RHOJ: variants seen among roughly 807,000 people sequenced by gnomAD.
The protein encoded by RHOJ is ras homolog family member J.
RHOJ carries 11 observed loss-of-function variants against 23.4 expected under a neutral mutation model. The ratio of observed to expected loss-of-function variants is 0.47; its 90% CI spans 0.30 to 0.78. The LOEUF is 0.78. Ranked by LOEUF, RHOJ falls within the 30% of genes least tolerant of loss-of-function variation. The pLI is 0.08. For synonymous variants in RHOJ, 102 were observed against 102.7 expected (o/e 0.99, Z 0.04); for missense variants, 254 against 273.4 (o/e 0.93, Z 0.50).
At chr14:63,290,053 G>A (rs1882197959) in intron 4 of RHOJ, among the ~76,000 whole-genome samples, 1 of 152,006 alleles carries the variant, frequency 6.6e-6, no homozygotes, top group Non-Finnish European at 1.5e-5. Flanking sequence ...GACCAGACTG[G>A]CCAACATGGG....
chr14:63,206,738 G>A (rs1362314033), intron 1 of RHOJ, among the ~76,000 whole-genome samples: 1 of 152,076 alleles, frequency 6.6e-6, no homozygotes, highest in Non-Finnish European at 1.5e-5. Context: ...ATTCCACTAG[G>A]CTCCAATAAT....
Position 63,280,972 on chromosome 14 carries a change from A to G in RHOJ, c.239A>G (p.Glu80Gly). 1 of 1,611,820 alleles carries G rather than the reference A, an allele frequency of 6.2e-7. No homozygotes were observed. The highest frequency in any genetic ancestry group is 8.5e-7 in the Non-Finnish European group (1 of 1,178,846). The change falls in exon 3 of 5, where the codon GAG becomes GGG. Residue 80 changes from glutamate (E) to glycine (G), a missense_variant and splice_region_variant. Coordinates refer to ENST00000316754, the MANE Select transcript of RHOJ (RefSeq NM_020663.5). ...AACCCTTGTCTGCTCTTCCCACAGG[A>G]GGACTACAACCAGCTGAGGCCACTC... ...LLGLYDTAGQ[E>G]DYNQLRPLSY...
chr14:63,244,534 C>T (rs751451394), intron 1 of RHOJ, among the ~76,000 whole-genome samples: 40 of 152,118 alleles, frequency 2.6e-4, no homozygotes, highest in Admixed American at 1.8e-3. Flanking sequence ...GCCGAGATCA[C>T]GCCATTGCAC....
In RHOJ at chr14:63,263,379, G is replaced by T. The variant is rs771465621; in HGVS notation, c.179-5731G>T. Among the ~76,000 whole-genome samples the T allele has an allele frequency of 1.7e-4, 26 of 152,262 alleles. 1 individual carries two copies. The highest frequency in any genetic ancestry group is 3.1e-4 in the Non-Finnish European group (21 of 68,028). ...GCTGGCAAGCAATAAGGCATCCACT[G>T]CTAGTCCAAGATAAGGACTCACGAA... is the stretch of plus-strand genomic sequence containing the variant. On this transcript the variant is annotated intron_variant, in intron 1 of 4. Transcript: ENST00000316754.
intron 1 of RHOJ, among the ~76,000 whole-genome samples, chr14:63,257,720 T>G (rs1303517348): frequency 6.7e-6 from 1 of 149,282 alleles, no homozygotes; most frequent in Non-Finnish European, 1.5e-5. Flanking sequence ...TCTGATTTTT[T>G]TTTTCACAAG....
chr14:63,251,416 T>C (rs1329859484), intron 1 of RHOJ, among the ~76,000 whole-genome samples: 1 of 152,242 alleles, frequency 6.6e-6, no homozygotes, highest in Non-Finnish European at 1.5e-5. Context: ...TACATTATTG[T>C]AAGTCTTCTC....
At chr14:63,282,927 G>A (rs998053818) in intron 3 of RHOJ, among the ~76,000 whole-genome samples, 194 bp from the exon 4 acceptor site, 4 of 152,166 alleles carry the variant, frequency 2.6e-5, no homozygotes, top group African/African-American at 9.7e-5. Flanking sequence ...CGTAAGGAAA[G>A]TCTGTTGTGT....
intron 1 of RHOJ, among the ~76,000 whole-genome samples, chr14:63,258,877 T>C (rs567924089): frequency 6.1e-4 from 93 of 152,362 alleles, no homozygotes; most frequent in African/African-American, 2.1e-3. Context: ...TGTTTCCTTG[T>C]ATGTGAAGCC....
chr14:63,204,802 T>C lies in RHOJ; in HGVS notation c.-68T>C, dbSNP rs1894069900. On this transcript the variant is annotated 5_prime_UTR_variant, in exon 1 of 5. Transcript: ENST00000316754. ...AAGCCTGGCACTGGCTTTCTGCCGC[T>C]TCATGTGCTTTGGAAAAAGCAGGAG... 3 of 1,519,810 alleles carry C rather than the reference T, an allele frequency of 2.0e-6. No individual in the cohort carries two copies. Among genetic ancestry groups the C allele is most frequent in the Admixed American group, 2.0e-5 (1 of 51,240 alleles). The allele number at this position is 1,519,810 out of a possible 1,614,324, so 94.1% of individuals were successfully genotyped here. A position where few individuals can be genotyped will look rare whatever the true frequency, so the allele number is the denominator to read the frequency against.
chr14:63,239,668 C>T (rs1050544799), intron 1 of RHOJ, among the ~76,000 whole-genome samples: 2 of 152,218 alleles, frequency 1.3e-5, no homozygotes, highest in African/African-American at 2.4e-5. Context: ...CTACTGCACC[C>T]GACCAGAGCT....
chr14:63,291,040 GC>G lies in RHOJ; in HGVS notation c.*18del, dbSNP rs1280140405. ...AATTATCTGAGGTTGTCTGGGACCT[GC>G]CTCCACCCCATCCAGGGATGAGAAT... On this transcript the variant is annotated 3_prime_UTR_variant, in exon 5 of 5. Transcript: ENST00000316754. 6.2e-7 allele frequency: 1 copy of G among 1,613,638 alleles called. No individual in the cohort carries two copies. The highest frequency in any genetic ancestry group is 8.5e-7 in the Non-Finnish European group (1 of 1,179,882).
At chr14:63,257,568 C>T (rs1368175347) in intron 1 of RHOJ, among the ~76,000 whole-genome samples, 1 of 150,000 alleles carries the variant, frequency 6.7e-6, no homozygotes, top group Non-Finnish European at 1.5e-5. Context: ...CTGAACCAGC[C>T]CCTTCTTCTC....
Position 63,204,834 on chromosome 14 carries a change from T to C in RHOJ, c.-36T>C. On this transcript the variant is annotated 5_prime_UTR_variant, in exon 1 of 5. Transcript: ENST00000316754. ...GCTTTGGAAAAAGCAGGAGAAGCAA[T>C]AGCAGCAGGAGTCCCCAGCAGCTGG... 1.9e-6 allele frequency: 3 copies of C among 1,580,152 alleles called. No homozygotes were observed. Among genetic ancestry groups the C allele is most frequent in the East Asian group, 2.3e-5 (1 of 43,450 alleles).
At chr14:63,218,092 T>A (rs979045660) in intron 1 of RHOJ, among the ~76,000 whole-genome samples, 3 of 152,166 alleles carry the variant, frequency 2.0e-5, no homozygotes, top group Non-Finnish European at 4.4e-5. Flanking sequence ...TTTTAATAAA[T>A]CTCCATTCAA....
intron 1 of RHOJ, among the ~76,000 whole-genome samples, chr14:63,251,668 A>G (rs898629049): frequency 1.3e-5 from 2 of 152,236 alleles, no homozygotes; most frequent in African/African-American, 4.8e-5. Context: ...TTTCCGTCAC[A>G]TGGAAATATT....
At chr14:63,264,841 C>T (rs980517147) in intron 1 of RHOJ, among the ~76,000 whole-genome samples, 2 of 152,112 alleles carry the variant, frequency 1.3e-5, no homozygotes, top group Non-Finnish European at 2.9e-5. Flanking sequence ...AGTATCTGTT[C>T]ATGTCTTTAT....
intron 1 of RHOJ, among the ~76,000 whole-genome samples, chr14:63,249,597 G>A (rs1467980531): frequency 6.6e-6 from 1 of 152,186 alleles, no homozygotes; most frequent in Non-Finnish European, 1.5e-5. Flanking sequence ...AGTGGACCTA[G>A]TTAGAGAAAA....
chr14:63,223,469 C>T (rs1448477644), intron 1 of RHOJ, among the ~76,000 whole-genome samples: 1 of 152,184 alleles, frequency 6.6e-6, no homozygotes, highest in Non-Finnish European at 1.5e-5. Context: ...TTCTCTCATC[C>T]CCCTGTATCA....
At chr14:63,217,563 G>C (rs1057420355) in intron 1 of RHOJ, among the ~76,000 whole-genome samples, 1 of 151,832 alleles carries the variant, frequency 6.6e-6, no homozygotes, top group Non-Finnish European at 1.5e-5. Flanking sequence ...AGACTTAAAC[G>C]TTAGACCTAA....
Sources: allele counts gnomAD v4.1 joint callset (sites outside exome capture counted in the v4.1 genomes callset), GRCh38; gene constraint gnomAD v4.1.1; transcripts MANE v1.5; gene names NCBI Gene and HGNC (gene_info 2026-07-23, HGNC 2026-07-21).